The following SH3RF3 variants were observed in gnomAD, a reference collection of about 807,000 sequenced individuals.
SH3RF3 encodes the protein E3 ubiquitin-protein ligase SH3RF3.
A neutral mutation model predicts 66.3 loss-of-function variants in SH3RF3; 29 were observed. The ratio of observed to expected loss-of-function variants is 0.44; its 90% CI spans 0.33 to 0.60. The LOEUF (loss-of-function observed/expected upper bound fraction) is 0.60. Ranked by LOEUF, SH3RF3 falls within the 20% of genes least tolerant of loss-of-function variation. The pLI is 0.04. For synonymous variants in SH3RF3, 583 were observed against 532.0 expected, an observed-to-expected ratio of 1.10 and a Z score of -1.32; for missense variants, 1,194 against 1,190.9, an observed-to-expected ratio of 1.00 and a Z score of -0.04.
chr2:109,175,122 T>A (rs921095883), intron 1 of SH3RF3, among the ~76,000 whole-genome samples: 1 of 152,142 alleles, frequency 6.6e-6, no homozygotes, highest in Non-Finnish European at 1.5e-5. Context: ...GTAGTCCTGG[T>A]CATTATCAGT....
chr2:109,301,914 G>A (rs1015761497), intron 1 of SH3RF3, among the ~76,000 whole-genome samples: 2 of 152,146 alleles, frequency 1.3e-5, no homozygotes, highest in East Asian at 1.9e-4. Context: ...TCCCCGGTGC[G>A]GGACCGGGGT....
intron 1 of SH3RF3, among the ~76,000 whole-genome samples, chr2:109,207,946 CTTCTT>C (rs1678879227): frequency 6.6e-6 from 1 of 152,160 alleles, no homozygotes; most frequent in African/African-American, 2.4e-5. Flanking sequence ...TCTGGAATTC[CTTCTT>C]TTACTCTTAC....
rs770561796 is a variant in SH3RF3, at chr2:109,298,915, C to G, written c.574-48759C>G. On this transcript the variant is annotated intron_variant, in intron 1 of 9. Transcript: ENST00000309415. ...AGGCAGATCATGCCAGTCCTCAACT[C>G]AGAATTCCCCAGTGCCTCCCATCAC... 1.4e-4 allele frequency among the ~76,000 whole-genome samples: 21 copies of G among 152,326 alleles called. No homozygotes were observed. In the South Asian group the frequency reaches 1.7e-3, roughly 12 times the overall value.
intron 1 of SH3RF3, among the ~76,000 whole-genome samples, chr2:109,167,094 T>C (rs1218110943): frequency 6.6e-6 from 1 of 152,222 alleles, no homozygotes; most frequent in East Asian, 1.9e-4. Context: ...GTTAAATTAA[T>C]AGCAGAACTG....
intron 1 of SH3RF3, among the ~76,000 whole-genome samples, chr2:109,233,943 C>G (rs1048845136): frequency 6.6e-6 from 1 of 152,204 alleles, no homozygotes; most frequent in East Asian, 1.9e-4. Context: ...GTTTGCATAT[C>G]CATTTAACAC....
intron 1 of SH3RF3, among the ~76,000 whole-genome samples, chr2:109,136,849 AC>A (rs1163362448): frequency 6.6e-6 from 1 of 152,186 alleles, no homozygotes; most frequent in African/African-American, 2.4e-5. Flanking sequence ...GCACCGGGGC[AC>A]CTGTAAATGT....
intron 1 of SH3RF3, among the ~76,000 whole-genome samples, chr2:109,254,978 T>C (rs747598264): frequency 3.3e-4 from 51 of 152,268 alleles, no homozygotes; most frequent in Admixed American, 1.2e-3. Flanking sequence ...GGCTCTGTGG[T>C]TCAGGTTAGG....
intron 1 of SH3RF3, among the ~76,000 whole-genome samples, chr2:109,293,596 C>G (rs1274835021): frequency 6.6e-6 from 1 of 152,244 alleles, no homozygotes; most frequent in Non-Finnish European, 1.5e-5. Flanking sequence ...CCTGGGAAGC[C>G]TCTTCCTGAA....
intron 5 of SH3RF3, among the ~76,000 whole-genome samples, chr2:109,420,532 G>GC (rs959818167): frequency 1.6e-4 from 24 of 151,962 alleles, no homozygotes; most frequent in African/African-American, 5.6e-4. Flanking sequence ...TGCAAGCTCC[G>GC]CCCCCCAGGT....
chr2:109,376,683 A>G (rs1382419316), intron 3 of SH3RF3, among the ~76,000 whole-genome samples: 1 of 152,228 alleles, frequency 6.6e-6, no homozygotes, highest in Non-Finnish European at 1.5e-5. Flanking sequence ...TGCTTTACTT[A>G]TCCTCAATAG....
Position 109,390,663 on chromosome 2 carries a change from C to T in SH3RF3, c.946-7927C>T, listed in dbSNP as rs577700771. Among the ~76,000 whole-genome samples, 6 of 152,282 alleles carry T rather than the reference C, an allele frequency of 3.9e-5. No homozygotes were observed. The East Asian group carries it at 9.6e-4, about 24-fold the overall frequency. On this transcript the variant is annotated intron_variant, in intron 3 of 9. Coordinates refer to ENST00000309415, the MANE Select transcript of SH3RF3 (RefSeq NM_001099289.3). Reference sequence around the variant, plus strand: ...GGGGGTGCGGTCGGCATTTCTGGTTCTGCTGGCGAGACCCATGGACTCTGG... The same window carrying T: ...GGGGGTGCGGTCGGCATTTCTGGTTTTGCTGGCGAGACCCATGGACTCTGG...
intron 1 of SH3RF3, among the ~76,000 whole-genome samples, chr2:109,335,458 G>T (rs1312386625): frequency 6.6e-6 from 1 of 152,078 alleles, no homozygotes; most frequent in African/African-American, 2.4e-5. Flanking sequence ...GCCCCTCAGG[G>T]CTGGGACATG....
chr2:109,326,028 A>T (rs1183457518), intron 1 of SH3RF3, among the ~76,000 whole-genome samples: 4 of 152,266 alleles, frequency 2.6e-5, no homozygotes, highest in African/African-American at 9.6e-5. Flanking sequence ...CATCAGCCTA[A>T]GAAATGTGGA....
At chr2:109,264,914 G>A (rs948644600) in intron 1 of SH3RF3, among the ~76,000 whole-genome samples, 4 of 152,184 alleles carry the variant, frequency 2.6e-5, no homozygotes, top group African/African-American at 9.7e-5. Flanking sequence ...TGCCTTCCTA[G>A]CATAATTCTT....
chr2:109,170,236 TCTTTTCTTTTCTCTTCTCTTCTCTTCTC>T (rs1463272392), intron 1 of SH3RF3, among the ~76,000 whole-genome samples: 3 of 38,764 alleles, frequency 7.7e-5, no homozygotes, highest in Non-Finnish European at 1.5e-4. Flanking sequence ...TCTCTTCTCT[TCTTTTCTTTTCTCTTCTCTTCTCTTCTC>T]TTCTCTTCTC....
At chr2:109,441,144 A>T (rs1352020236) in intron 7 of SH3RF3, among the ~76,000 whole-genome samples, 1 of 151,970 alleles carries the variant, frequency 6.6e-6, no homozygotes, top group African/African-American at 2.4e-5. Flanking sequence ...AAAAAAAAAA[A>T]AATTCCAGCT....
At chr2:109,447,738 C>T (rs1178941773) in intron 7 of SH3RF3, among the ~76,000 whole-genome samples, 1 of 152,210 alleles carries the variant, frequency 6.6e-6, no homozygotes, top group Non-Finnish European at 1.5e-5. Flanking sequence ...ATTACTAACA[C>T]ACATAGTAGC....
At chr2:109,332,078 C>T (rs937333896) in intron 1 of SH3RF3, among the ~76,000 whole-genome samples, 14 of 152,132 alleles carry the variant, frequency 9.2e-5, no homozygotes, top group African/African-American at 3.4e-4. Context: ...CATGTGTTTG[C>T]CAGTCTTTTG....
intron 8 of SH3RF3, among the ~76,000 whole-genome samples, chr2:109,458,313 A>G (rs912102814): frequency 6.6e-6 from 1 of 152,194 alleles, no homozygotes; most frequent in Non-Finnish European, 1.5e-5. Context: ...CCAATAGGTC[A>G]ACTTCATGAA....
Sources: gnomAD v4.1 joint callset for allele counts (sites outside exome capture counted in the v4.1 genomes callset) on GRCh38, gnomAD v4.1.1 for gene constraint, MANE v1.5 for transcripts, NCBI Gene and HGNC (gene_info 2026-07-23, HGNC 2026-07-21) for gene names.